Variants in CCDC102B observed in about 807,000 individuals in gnomAD.
CCDC102B encodes the protein coiled-coil domain-containing protein 102B.
In CCDC102B, 75 loss-of-function variants were observed where a neutral mutation model predicts 57.4. The ratio of observed to expected loss-of-function variants is 1.31; its 90% confidence interval spans 1.08 to 1.58. The LOEUF is 1.58. Ranked by LOEUF, CCDC102B falls within the 40% of genes most tolerant of loss-of-function variation. The pLI is 0.00. For synonymous variants in CCDC102B, 206 were observed against 201.9 expected, an observed-to-expected ratio of 1.02 and a Z score of -0.17; for missense variants, 636 against 582.6, an observed-to-expected ratio of 1.09 and a Z score of -0.94.
intron 6 of CCDC102B, among the ~76,000 whole-genome samples, chr18:68,983,441 G>A (rs1427918184): frequency 1.3e-5 from 2 of 151,896 alleles, no homozygotes; most frequent in Non-Finnish European, 2.9e-5. Context: ...TGTATGAGCT[G>A]ACTATAAAAT....
At chr18:68,979,014 A>C (rs2050509030) in intron 6 of CCDC102B, among the ~76,000 whole-genome samples, 1 of 152,180 alleles carries the variant, frequency 6.6e-6, no homozygotes, top group South Asian at 2.1e-4. Context: ...TTCAAAAACA[A>C]GTGAAACTGA....
upstream of CCDC102B, among the ~76,000 whole-genome samples, chr18:68,793,704 C>G (rs1054236904): frequency 1.3e-5 from 2 of 152,076 alleles, no homozygotes; most frequent in Non-Finnish European, 1.5e-5. Context: ...CAGCTGTCAG[C>G]TTTGTGGTCT....
At chr18:68,729,381 A>G (rs1444919881) in intron 2 of CCDC102B, among the ~76,000 whole-genome samples, 3 of 152,224 alleles carry the variant, frequency 2.0e-5, no homozygotes, top group Non-Finnish European at 1.5e-5. Flanking sequence ...AAGTCCAAGT[A>G]TATCCAAGAA....
intron 1 of CCDC102B, among the ~76,000 whole-genome samples, chr18:68,808,341 A>G (rs907069098): frequency 2.0e-5 from 3 of 152,014 alleles, no homozygotes; most frequent in African/African-American, 7.2e-5. Flanking sequence ...TTTTGTCAAT[A>G]TATTACTAGC....
chr18:68,781,094 G>T (rs2034992853), intron 2 of CCDC102B, among the ~76,000 whole-genome samples: 1 of 151,880 alleles, frequency 6.6e-6, no homozygotes, highest in African/African-American at 2.4e-5. Flanking sequence ...ATCTGTAATT[G>T]TTGTTAGTAA....
chr18:68,875,843 G>C (rs2039422629), intron 5 of CCDC102B, among the ~76,000 whole-genome samples: 1 of 152,118 alleles, frequency 6.6e-6, no homozygotes, highest in Admixed American at 6.6e-5. Context: ...TAACAGCTAA[G>C]CTGCTTAGGA....
At chr18:68,955,576 T>G (rs1055448307) in intron 6 of CCDC102B, among the ~76,000 whole-genome samples, 1 of 152,092 alleles carries the variant, frequency 6.6e-6, no homozygotes, top group Non-Finnish European at 1.5e-5. Context: ...TTGTTAAAAT[T>G]CATTTCTGTT....
Position 69,054,455 on chromosome 18 carries a change from T to TAA in CCDC102B, c.*319_*320dup. ...GAGTTATAATATCGGTAAGAAAAAGTAAGTTGAAAACCATACAAGACGCTG... is the reference window on the plus strand; with the variant it reads ...GAGTTATAATATCGGTAAGAAAAAGTAAAAGTTGAAAACCATACAAGACGCTG... On this transcript the variant is annotated 3_prime_UTR_variant, in exon 8 of 8. Coordinates refer to ENST00000360242, the MANE Select transcript of CCDC102B (RefSeq NM_024781.3). 9.7e-7 allele frequency: 1 copy of TAA among 1,026,662 alleles called. No homozygotes were observed. The highest frequency in any genetic ancestry group is 1.2e-6 in the Non-Finnish European group (1 of 857,232). 63.6% of individuals were successfully genotyped at this position (1,026,662 alleles called of 1,614,324 possible). A position where few individuals can be genotyped will look rare whatever the true frequency, so the allele number is the denominator to read the frequency against.
chr18:68,804,932 G>C (rs1346629465), intron 1 of CCDC102B, among the ~76,000 whole-genome samples: 1 of 150,660 alleles, frequency 6.6e-6, no homozygotes, highest in African/African-American at 2.4e-5. Flanking sequence ...ATCTAATCTA[G>C]AGAGAGGTAC....
intron 1 of CCDC102B, among the ~76,000 whole-genome samples, chr18:68,821,690 TG>T (rs1436815766): frequency 1.3e-5 from 2 of 151,836 alleles, no homozygotes; most frequent in African/African-American, 4.8e-5. Flanking sequence ...TATAAATATA[TG>T]TGTGTATATA....
chr18:68,986,166 A>G (rs2050717538), intron 6 of CCDC102B, among the ~76,000 whole-genome samples: 1 of 152,154 alleles, frequency 6.6e-6, no homozygotes, highest in Non-Finnish European at 1.5e-5. Flanking sequence ...CAACAGCATC[A>G]GCCTGATACC....
At chr18:69,015,482 G>A (rs2051639899) in intron 7 of CCDC102B, among the ~76,000 whole-genome samples, 1 of 152,102 alleles carries the variant, frequency 6.6e-6, no homozygotes, top group East Asian at 1.9e-4. Context: ...TCCTTGAAAG[G>A]AAAATTATGT....
intron 2 of CCDC102B, among the ~76,000 whole-genome samples, chr18:68,722,115 A>T (rs1274129741): frequency 6.6e-6 from 1 of 152,172 alleles, no homozygotes; most frequent in Non-Finnish European, 1.5e-5. Context: ...GCTTCTGAGA[A>T]TTTTAGATCC....
At chr18:68,754,918 G>A (rs2033992649) in intron 2 of CCDC102B, 1 of 152,304 alleles carries the variant, frequency 6.6e-6, no homozygotes. Flanking sequence ...AAGAGGAAAC[G>A]AGCCCTTAAC....
intron 4 of CCDC102B, among the ~76,000 whole-genome samples, chr18:68,847,898 T>C (rs1422097048): frequency 6.6e-6 from 1 of 151,794 alleles, no homozygotes; most frequent in Non-Finnish European, 1.5e-5. Flanking sequence ...AAACATTGTT[T>C]GAATTATTTA....
At chr18:69,007,080 A>AT (rs1457310335) in intron 6 of CCDC102B, among the ~76,000 whole-genome samples, 2 of 152,266 alleles carry the variant, frequency 1.3e-5, no homozygotes, top group East Asian at 3.9e-4. Context: ...CTTTAAACTG[A>AT]TTTTTTAAAA....
chr18:69,046,928 G>A (rs1025099578), intron 7 of CCDC102B, among the ~76,000 whole-genome samples: 14 of 152,002 alleles, frequency 9.2e-5, no homozygotes, highest in African/African-American at 2.9e-4. Context: ...TTATTTCTGG[G>A]ATCTCTATTC....
chr18:68,951,801 C>T (rs901102649), intron 6 of CCDC102B, among the ~76,000 whole-genome samples: 2 of 145,370 alleles, frequency 1.4e-5, no homozygotes, highest in African/African-American at 2.6e-5. Flanking sequence ...GAGTGAGACC[C>T]TGTCAAAAAA....
intron 4 of CCDC102B, among the ~76,000 whole-genome samples, chr18:68,874,170 ATGTGTGTGTGTGTGTGTGTGTGTGTGTG>A (rs34176363): frequency 1.4e-5 from 2 of 138,262 alleles, no homozygotes; most frequent in Non-Finnish European, 3.1e-5. Flanking sequence ...GTGTGTGTGT[ATGTGTGTGTGTGTGTGTGTGTGTGTGTG>A]TGTGTGTGTG....
Sources: gnomAD v4.1 joint callset for allele counts (sites outside exome capture counted in the v4.1 genomes callset) on GRCh38, gnomAD v4.1.1 for gene constraint, MANE v1.5 for transcripts, NCBI Gene and HGNC (gene_info 2026-07-23, HGNC 2026-07-21) for gene names.